Variants in KCNN2 observed in about 807,000 individuals in gnomAD.
KCNN2 encodes the protein potassium calcium-activated channel subfamily N member 2.
A neutral mutation model predicts 55.5 loss-of-function variants in KCNN2; 24 were observed. The ratio of observed to expected loss-of-function variants is 0.43; its 90% CI spans 0.31 to 0.61. The LOEUF (loss-of-function observed/expected upper bound fraction) is 0.61, where lower values mean the gene tolerates loss of function less well. Among genes scored for constraint, KCNN2 ranks in the 20% least tolerant of loss-of-function variants. The pLI is 0.08. For synonymous variants in KCNN2, 431 were observed against 336.1 expected (o/e 1.28, Z -3.09); for missense variants, 754 against 853.6 (o/e 0.88, Z 1.45).
At chr5:114,220,417 A>C (rs917554598) in intron 1 of KCNN2, among the ~76,000 whole-genome samples, 5 of 152,168 alleles carry the variant, frequency 3.3e-5, no homozygotes, top group Admixed American at 1.3e-4. Context: ...GCCAAATTTT[A>C]TGAAATAGGG....
chr5:114,407,626 G>A (rs944143284), intron 3 of KCNN2, among the ~76,000 whole-genome samples: 2 of 152,088 alleles, frequency 1.3e-5, no homozygotes, highest in Admixed American at 1.3e-4. Flanking sequence ...GATTTGAGTG[G>A]GGGACATAGA....
At chr5:114,217,069 G>T (rs1020115267) in intron 1 of KCNN2, among the ~76,000 whole-genome samples, 1 of 152,068 alleles carries the variant, frequency 6.6e-6, no homozygotes, top group Non-Finnish European at 1.5e-5. Flanking sequence ...TATAAGACTT[G>T]TATGAGGAAA....
intron 1 of KCNN2, among the ~76,000 whole-genome samples, chr5:114,137,522 A>G (rs969418033): frequency 3.3e-5 from 5 of 152,172 alleles, no homozygotes; most frequent in Non-Finnish European, 7.4e-5. Flanking sequence ...GTTGCCAAAA[A>G]GGGCCTAAAA....
rs541320132 is a variant in KCNN2, at chr5:114,118,330, AAAAG to A, written c.-271+61836_-271+61839del. On this transcript the variant is annotated intron_variant, in intron 1 of 10. Coordinates refer to the KCNN2 transcript ENST00000512097. ...CACACTCTCTCACTCATTCATGAGA[AAAAG>A]AAAGATTTGTTCTGAGGAATTGGCT... 7.0e-4 allele frequency among the ~76,000 whole-genome samples: 106 copies of A among 152,282 alleles called. 1 individual carries two copies. Among genetic ancestry groups the A allele is most frequent in the African/African-American group, 2.5e-3 (105 of 41,564 alleles).
intron 3 of KCNN2, among the ~76,000 whole-genome samples, chr5:114,457,857 C>G (rs1761001072): frequency 6.6e-6 from 1 of 152,158 alleles, no homozygotes; most frequent in Admixed American, 6.6e-5. Context: ...CAGTTGTTTT[C>G]CATCTCTCAA....
chr5:114,405,455 T>G (rs1381839962), intron 3 of KCNN2, among the ~76,000 whole-genome samples: 1 of 152,236 alleles, frequency 6.6e-6, no homozygotes, highest in Non-Finnish European at 1.5e-5. Flanking sequence ...TAGGCATATA[T>G]TCTCAGATTT....
At chr5:114,154,483 C>G (rs1006992321) in intron 1 of KCNN2, among the ~76,000 whole-genome samples, 1 of 152,078 alleles carries the variant, frequency 6.6e-6, no homozygotes, top group Non-Finnish European at 1.5e-5. Context: ...ATTTTATTAC[C>G]TACTCTACAG....
At chr5:114,113,852 C>G (rs939470768) in intron 1 of KCNN2, among the ~76,000 whole-genome samples, 2 of 152,060 alleles carry the variant, frequency 1.3e-5, no homozygotes, top group Non-Finnish European at 2.9e-5. Context: ...ACTCATTGCT[C>G]AGGAGTTTCT....
At chr5:114,237,209 A>G (rs1754516152) in intron 2 of KCNN2, among the ~76,000 whole-genome samples, 1 of 151,438 alleles carries the variant, frequency 6.6e-6, no homozygotes. Context: ...TCTCTCTCAA[A>G]AACTTCACCA....
intron 1 of KCNN2, among the ~76,000 whole-genome samples, chr5:114,126,919 G>T (rs1462735533): frequency 6.6e-6 from 1 of 152,148 alleles, no homozygotes; most frequent in African/African-American, 2.4e-5. Context: ...CTCCACGCAA[G>T]TCCAGAATCC....
At chr5:114,059,290 G>T (rs1049839080) in intron 1 of KCNN2, among the ~76,000 whole-genome samples, 3 of 152,170 alleles carry the variant, frequency 2.0e-5, no homozygotes, top group South Asian at 2.1e-4. Context: ...CACGTTCAAA[G>T]AAATCATATT....
intron 3 of KCNN2, among the ~76,000 whole-genome samples, chr5:114,451,634 A>C (rs972756): frequency 0.055 from 8,420 of 152,220 alleles, 730 homozygotes; most frequent in African/African-American, 0.19. Context: ...CGGTGGCTCA[A>C]GCCTGTAATC....
At chr5:114,405,715 T>G (rs1448857150) in intron 3 of KCNN2, among the ~76,000 whole-genome samples, 1 of 112,860 alleles carries the variant, frequency 8.9e-6, no homozygotes, top group African/African-American at 4.8e-5. Flanking sequence ...TGTTTTGTTT[T>G]GTTTTTTTTT....
At chr5:114,076,725 G>T (rs575259173) in intron 1 of KCNN2, among the ~76,000 whole-genome samples, 1 of 152,184 alleles carries the variant, frequency 6.6e-6, no homozygotes, top group East Asian at 1.9e-4. Context: ...ATGGAGGCTC[G>T]CTGTGTCACC....
At position 114,164,908 on chromosome 5, in the gene KCNN2, G is replaced by C. The variant is rs535290030; in HGVS notation, c.-270-56572G>C. Among the ~76,000 whole-genome samples the C allele has an allele frequency of 2.6e-5, 4 of 152,214 alleles. No homozygotes were observed. The South Asian group carries it at 8.3e-4, about 32-fold the overall frequency. On this transcript the variant is annotated intron_variant, in intron 1 of 10. Transcript: ENST00000512097. ...ATTGAGTGCTTATATGCCAAGTACT[G>C]TTTTAAGTTTTTTGCACGTAATAAT...
intron 2 of KCNN2, among the ~76,000 whole-genome samples, chr5:114,305,010 G>A (rs1291405682): frequency 6.6e-6 from 1 of 152,150 alleles, no homozygotes; most frequent in Non-Finnish European, 1.5e-5. Flanking sequence ...GATTATATCA[G>A]TCAGCGTCTA....
At chr5:114,276,034 G>T (rs1159288141) in intron 2 of KCNN2, among the ~76,000 whole-genome samples, 1 of 152,046 alleles carries the variant, frequency 6.6e-6, no homozygotes, top group Non-Finnish European at 1.5e-5. Flanking sequence ...TTGTGTCTTT[G>T]TTCTCATTGG....
At chr5:114,202,559 A>ATG (rs67411021) in intron 1 of KCNN2, among the ~76,000 whole-genome samples, 77 of 118,322 alleles carry the variant, frequency 6.5e-4, no homozygotes, top group African/African-American at 2.0e-3. Context: ...CCTAATATAT[A>ATG]TGTGTGTGTA....
chr5:114,128,799 C>T (rs1187395339), intron 1 of KCNN2, among the ~76,000 whole-genome samples: 1 of 152,090 alleles, frequency 6.6e-6, no homozygotes, highest in Non-Finnish European at 1.5e-5. Flanking sequence ...ATCCTAAAGA[C>T]AATTTCAGTA....
Sources: allele counts gnomAD v4.1 joint callset (sites outside exome capture counted in the v4.1 genomes callset), GRCh38; gene constraint gnomAD v4.1.1; transcripts MANE v1.5; gene names NCBI Gene and HGNC (gene_info 2026-07-23, HGNC 2026-07-21).